CIB2: variants seen among roughly 807,000 people sequenced by gnomAD.
The protein encoded by CIB2 is calcium and integrin binding family member 2, also known as calcium and integrin-binding family member 2.
A neutral mutation model predicts 23.1 loss-of-function variants in CIB2; 19 were observed. That is an observed-to-expected ratio of 0.82 (90% CI 0.57 to 1.21). The LOEUF (loss-of-function observed/expected upper bound fraction) is 1.21, where lower values mean the gene tolerates loss of function less well. CIB2 is among the 50% of genes most tolerant of loss of function. CIB2 has a pLI of 0.00. For missense variants in CIB2, 220 were observed against 241.5 expected (o/e 0.91, Z 0.59); for synonymous variants, 94 against 91.7 (o/e 1.03, Z -0.14).
At chr15:78,116,089 C>T (rs1269514255) in intron 2 of CIB2, among the ~76,000 whole-genome samples, 1 of 151,870 alleles carries the variant, frequency 6.6e-6, no homozygotes. Context: ...CAACTCTTTA[C>T]ACAGCATTTA....
chr15:78,131,141 G>T lies in CIB2; in HGVS notation c.51+24C>A. 1 of 1,573,020 alleles carries T rather than the reference G, an allele frequency of 6.4e-7. No homozygotes were observed. The highest frequency in any genetic ancestry group is 8.6e-7 in the Non-Finnish European group (1 of 1,160,790). ...GCGGCGGGGCGGCGGGGCCTGTGTT[G>T]GGGGCCGGGCGCGCCGAGCTCACCT... is the stretch of plus-strand genomic sequence containing the variant. On this transcript the variant is annotated intron_variant, in intron 1 of 5. Coordinates refer to ENST00000258930, the MANE Select transcript of CIB2 (RefSeq NM_006383.4). The surrounding 1 kb of genome is among the most constrained non-coding windows in gnomAD (Gnocchi z 5.8).
intron 2 of CIB2, among the ~76,000 whole-genome samples, chr15:78,119,460 C>G (rs1357804947): frequency 6.6e-6 from 1 of 152,182 alleles, no homozygotes; most frequent in South Asian, 2.1e-4. Flanking sequence ...ATTGCTGGAT[C>G]ATGTGGTGAT....
chr15:78,129,117 G>C (rs1480684468), intron 1 of CIB2, among the ~76,000 whole-genome samples: 1 of 152,096 alleles, frequency 6.6e-6, no homozygotes, highest in Admixed American at 6.5e-5. Flanking sequence ...ACCCTGCCCA[G>C]GAAAGGTTAG....
At chr15:78,106,441 A>G (rs1182339083) in intron 4 of CIB2, among the ~76,000 whole-genome samples, 1 of 152,198 alleles carries the variant, frequency 6.6e-6, no homozygotes, top group African/African-American at 2.4e-5. Context: ...GTGTGACCAG[A>G]AGACACGGTG....
intron 2 of CIB2, among the ~76,000 whole-genome samples, chr15:78,120,200 G>A (rs912458457): frequency 2.6e-5 from 4 of 152,026 alleles, no homozygotes; most frequent in South Asian, 2.1e-4. Flanking sequence ...CAACGTACCC[G>A]ACCACAATCT....
chr15:78,118,005 G>A (rs750557734), intron 2 of CIB2, among the ~76,000 whole-genome samples: 4 of 152,142 alleles, frequency 2.6e-5, no homozygotes, highest in Non-Finnish European at 4.4e-5. Context: ...AATTAAAATC[G>A]TGAAAAGCTG....
intron 2 of CIB2, among the ~76,000 whole-genome samples, chr15:78,119,006 C>A (rs1347048104): frequency 6.6e-6 from 1 of 151,974 alleles, no homozygotes; most frequent in Non-Finnish European, 1.5e-5. Flanking sequence ...CAAGGTGAAC[C>A]CCATCTCTAC....
chr15:78,122,006 C>T (rs4886559), intron 2 of CIB2, among the ~76,000 whole-genome samples: 1 of 152,232 alleles, frequency 6.6e-6, no homozygotes, highest in South Asian at 2.1e-4. Context: ...AATGTTCTCC[C>T]TCAGCCAATC....
chr15:78,109,852 T>G (rs1425289526), intron 3 of CIB2, among the ~76,000 whole-genome samples: 1 of 149,730 alleles, frequency 6.7e-6, no homozygotes, highest in Non-Finnish European at 1.5e-5. Flanking sequence ...CAGTGTGTTA[T>G]CACTGGAGGC....
At chr15:78,126,620 C>T (rs1323326749) in intron 1 of CIB2, among the ~76,000 whole-genome samples, 2 of 152,228 alleles carry the variant, frequency 1.3e-5, no homozygotes, top group African/African-American at 4.8e-5. Flanking sequence ...TACTTATACA[C>T]AGCAGGTGCT....
At chr15:78,127,276 G>A (rs1333191860) in intron 1 of CIB2, among the ~76,000 whole-genome samples, 1 of 152,160 alleles carries the variant, frequency 6.6e-6, no homozygotes, top group Non-Finnish European at 1.5e-5. Context: ...CCCTATGTCT[G>A]AAGGAACCCT....
At chr15:78,126,642 T>C (rs2074385429) in intron 1 of CIB2, among the ~76,000 whole-genome samples, 1 of 152,208 alleles carries the variant, frequency 6.6e-6, no homozygotes, top group South Asian at 2.1e-4. Context: ...AATACAGGCT[T>C]GTGGGATGAG....
chr15:78,107,641 C>T (rs920108668), intron 4 of CIB2, among the ~76,000 whole-genome samples: 6 of 152,194 alleles, frequency 3.9e-5, no homozygotes, highest in Non-Finnish European at 5.9e-5. Context: ...TGTGCCCACC[C>T]GGTCCATGCG....
intron 1 of CIB2, among the ~76,000 whole-genome samples, chr15:78,130,331 T>C (rs2074437103): frequency 6.6e-6 from 1 of 152,092 alleles, no homozygotes; most frequent in Admixed American, 6.6e-5. Context: ...CTGGAGCAAC[T>C]GCAAATGGTT....
chr15:78,131,467 G>T (rs1278109361), upstream of CIB2: 2 of 169,144 alleles, frequency 1.2e-5, no homozygotes, highest in Middle Eastern at 2.6e-3. This position sits in a 1 kb window ranked among gnomAD's most constrained non-coding sequence, Gnocchi z 5.8. Flanking sequence ...CGGCTCCGCG[G>T]CTGCAGCGCG....
chr15:78,119,775 G>A (rs891058402), intron 2 of CIB2, among the ~76,000 whole-genome samples: 4 of 152,054 alleles, frequency 2.6e-5, no homozygotes, highest in African/African-American at 9.7e-5. Context: ...GTTTCACCAT[G>A]TTGGCCAGGC....
chr15:78,114,816 T>C (rs2074214169), intron 2 of CIB2, among the ~76,000 whole-genome samples: 1 of 150,728 alleles, frequency 6.6e-6, no homozygotes. Context: ...GATGTGGTGA[T>C]ATGCATCAGT....
chr15:78,106,502 C>T (rs1390422033), intron 4 of CIB2, among the ~76,000 whole-genome samples: 2 of 152,172 alleles, frequency 1.3e-5, no homozygotes, highest in African/African-American at 4.8e-5. Flanking sequence ...CTGTGCCTGG[C>T]CTTTGTGCAC....
At chr15:78,115,676 CTTTTTTTTTTTTT>C (rs56754406) in intron 2 of CIB2, among the ~76,000 whole-genome samples, 15 of 71,296 alleles carry the variant, frequency 2.1e-4, no homozygotes, top group Non-Finnish European at 3.9e-4. Flanking sequence ...ATCTCCTTCT[CTTTTTTTTTTTTT>C]TTTTTTTTTT....
Sources: allele counts gnomAD v4.1 joint callset (sites outside exome capture counted in the v4.1 genomes callset), GRCh38; gene constraint gnomAD v4.1.1; non-coding constraint Gnocchi (gnomAD v3.1); transcripts MANE v1.5; gene names NCBI Gene and HGNC (gene_info 2026-07-23, HGNC 2026-07-21).